The following CCSER2 variants were observed in gnomAD, a reference collection of about 807,000 sequenced individuals.
CCSER2 encodes the protein serine-rich coiled-coil domain-containing protein 2.
Under a neutral mutation model 92.3 loss-of-function variants are expected in CCSER2, and 46 were observed. The ratio of observed to expected loss-of-function variants is 0.50; its 90% CI spans 0.39 to 0.64. The LOEUF (loss-of-function observed/expected upper bound fraction) is 0.64, where lower values mean the gene tolerates loss of function less well. Among genes scored for constraint, CCSER2 ranks in the 30% least tolerant of loss-of-function variants. CCSER2 has a pLI of 0.00. For missense variants in CCSER2, 1,244 were observed against 1,238.9 expected, an observed-to-expected ratio of 1.00 and a Z score of -0.06; for synonymous variants, 433 against 431.4, an observed-to-expected ratio of 1.00 and a Z score of -0.04.
intron 9 of CCSER2, among the ~76,000 whole-genome samples, chr10:84,504,349 T>C (rs1267069245): frequency 1.3e-5 from 2 of 152,022 alleles, no homozygotes; most frequent in Non-Finnish European, 2.9e-5. Flanking sequence ...TCCTAAGAAT[T>C]GTCTATGGCA....
intron 5 of CCSER2, among the ~76,000 whole-genome samples, chr10:84,429,423 CTCTGTT>C (rs1843638863): frequency 6.6e-6 from 1 of 151,942 alleles, no homozygotes; most frequent in Non-Finnish European, 1.5e-5. Flanking sequence ...GCAATAAATT[CTCTGTT>C]TTTGTTTATC....
intron 4 of CCSER2, among the ~76,000 whole-genome samples, chr10:84,419,856 C>T (rs974238457): frequency 2.0e-5 from 3 of 152,146 alleles, no homozygotes; most frequent in Non-Finnish European, 2.9e-5. Flanking sequence ...CAGTAAATGA[C>T]AGAAAGCATC....
chr10:84,513,607 G>A lies in CCSER2; in HGVS notation c.2484G>A (p.Leu828=), dbSNP rs771724874. The A allele has an allele frequency of 6.2e-7, 1 of 1,612,114 alleles. No homozygotes were observed. Among genetic ancestry groups the A allele is most frequent in the African/African-American group, 1.3e-5 (1 of 75,054 alleles). Residue 828 remains leucine, a synonymous_variant, in exon 10 of 10, where the codon TTG becomes TTA. Coordinates refer to ENST00000372088, the MANE Select transcript of CCSER2 (RefSeq NM_001284240.2). ...CGGAAGAAAGCTTTACACACGTCTTGCACCAAGAAAGCAACTATGGTTTGG... is the reference window on the plus strand; with the variant it reads ...CGGAAGAAAGCTTTACACACGTCTTACACCAAGAAAGCAACTATGGTTTGG... ...AHPEESFTHV[L]HQESNYGLEE... is the part of the protein sequence containing the mutation.
At chr10:84,376,057 G>A (rs1366751561) in intron 3 of CCSER2, among the ~76,000 whole-genome samples, 4 of 151,900 alleles carry the variant, frequency 2.6e-5, no homozygotes, top group Non-Finnish European at 5.9e-5. Flanking sequence ...GTTCATTTCT[G>A]CTGACATTGT....
chr10:84,345,103 C>T (rs1255150919), intron 1 of CCSER2, among the ~76,000 whole-genome samples: 1 of 151,960 alleles, frequency 6.6e-6, no homozygotes, highest in Non-Finnish European at 1.5e-5. Context: ...GAATACTAAT[C>T]TCAGGAAAAG....
In CCSER2 at chr10:84,372,396, T is replaced by C. The variant is rs199828450; in HGVS notation, c.1344T>C (p.Asp448=). The C allele has an allele frequency of 3.1e-6, 5 of 1,606,910 alleles. No individual in the cohort carries two copies. The highest frequency in any genetic ancestry group is 4.2e-6 in the Non-Finnish European group (5 of 1,178,076). The part of the protein sequence containing the change: ...EEKHENGPPQ[D]MFDSPKENEK... ...AACATGAAAATGGGCCACCACAGGA[T>C]ATGTTTGATTCCCCCAAGGAAAATG... The change falls in exon 2 of 10, where the codon GAT becomes GAC. Residue 448 remains aspartate, a synonymous_variant. Transcript: ENST00000372088.
intron 1 of CCSER2, among the ~76,000 whole-genome samples, chr10:84,335,936 A>G (rs187056898): frequency 3.1e-4 from 47 of 152,314 alleles, no homozygotes; most frequent in African/African-American, 1.1e-3. Context: ...TTGGTAGGCC[A>G]CTTTATAGGA....
At chr10:84,503,104 G>C (rs1283963524) in intron 9 of CCSER2, among the ~76,000 whole-genome samples, 1 of 152,012 alleles carries the variant, frequency 6.6e-6, no homozygotes, top group Non-Finnish European at 1.5e-5. Context: ...GGTGCCTGTA[G>C]TCCCAGTTAG....
At chr10:84,350,146 G>A (rs1422777184) in intron 1 of CCSER2, among the ~76,000 whole-genome samples, 2 of 152,088 alleles carry the variant, frequency 1.3e-5, no homozygotes, top group Admixed American at 1.3e-4. Context: ...GCGAGATTCC[G>A]TCTCCAAAAA....
intron 3 of CCSER2, among the ~76,000 whole-genome samples, chr10:84,381,656 G>A (rs1840913223): frequency 2.0e-5 from 3 of 152,034 alleles, no homozygotes; most frequent in Non-Finnish European, 2.9e-5. Flanking sequence ...GGCCGGGCGC[G>A]GTGGCTCATG....
At chr10:84,364,602 G>T (rs1845679358) in intron 1 of CCSER2, among the ~76,000 whole-genome samples, 1 of 152,150 alleles carries the variant, frequency 6.6e-6, no homozygotes, top group Non-Finnish European at 1.5e-5. Flanking sequence ...GTATGAAGTG[G>T]TAAGCATGGT....
At chr10:84,507,127 A>C (rs981294021) in intron 9 of CCSER2, among the ~76,000 whole-genome samples, 7 of 152,228 alleles carry the variant, frequency 4.6e-5, no homozygotes, top group Admixed American at 3.3e-4. Context: ...GTTATGTACA[A>C]ATATATTAAA....
At chr10:84,472,005 A>G (rs1191339747) in intron 8 of CCSER2, among the ~76,000 whole-genome samples, 1 of 152,072 alleles carries the variant, frequency 6.6e-6, no homozygotes, top group South Asian at 2.1e-4. Flanking sequence ...TGTTTATGAA[A>G]TGCTTTAAAG....
intron 6 of CCSER2, among the ~76,000 whole-genome samples, chr10:84,457,350 AATATATATATT>A (rs1845776040): frequency 1.5e-5 from 1 of 66,312 alleles, no homozygotes; most frequent in Non-Finnish European, 3.0e-5. Flanking sequence ...TATTATATAT[AATATATATATT>A]TATTTTAAAT....
intron 5 of CCSER2, among the ~76,000 whole-genome samples, chr10:84,435,638 C>CA (rs5786657): frequency 0.02 from 2,097 of 106,766 alleles, 62 homozygotes; most frequent in African/African-American, 0.064. Context: ...CCATTCAGTG[C>CA]AAAAAAAAAA....
At chr10:84,460,360 C>G (rs1314737665) in intron 6 of CCSER2, among the ~76,000 whole-genome samples, 1 of 151,566 alleles carries the variant, frequency 6.6e-6, no homozygotes, top group African/African-American at 2.4e-5. Flanking sequence ...CCGTCTTGGC[C>G]TCCCAAAGTG....
chr10:84,393,333 T>G (rs1411994587), intron 3 of CCSER2, among the ~76,000 whole-genome samples: 1 of 152,126 alleles, frequency 6.6e-6, no homozygotes, highest in Admixed American at 6.6e-5. Flanking sequence ...CTTCTAAAAT[T>G]TAAATTACGT....
At chr10:84,359,390 A>G (rs1845377659) in intron 1 of CCSER2, among the ~76,000 whole-genome samples, 1 of 152,188 alleles carries the variant, frequency 6.6e-6, no homozygotes, top group Non-Finnish European at 1.5e-5. Context: ...TTACGATAAT[A>G]GGGGTTAAAA....
intron 1 of CCSER2, among the ~76,000 whole-genome samples, chr10:84,336,750 G>C (rs528736340): frequency 5.3e-5 from 8 of 152,352 alleles, no homozygotes; most frequent in African/African-American, 1.9e-4. Context: ...GGAGCCACCA[G>C]AGTTTTGACT....
Sources: gnomAD v4.1 joint callset for allele counts (sites outside exome capture counted in the v4.1 genomes callset) on GRCh38, gnomAD v4.1.1 for gene constraint, MANE v1.5 for transcripts, NCBI Gene and HGNC (gene_info 2026-07-23, HGNC 2026-07-21) for gene names.